The following ATR variants were observed in gnomAD, a reference collection of about 807,000 sequenced individuals.
ATR encodes the protein serine/threonine-protein kinase ATR.
ATR carries 142 observed loss-of-function variants against 305.3 expected under a neutral mutation model. The observed-to-expected ratio is 0.47, with a 90% confidence interval of 0.41 to 0.53. The LOEUF (loss-of-function observed/expected upper bound fraction) is 0.53. Among genes scored for constraint, ATR ranks in the 20% least tolerant of loss-of-function variants. The probability of loss-of-function intolerance (pLI) is 0.00; values close to 1 mark genes in which losing one functional copy is unlikely to be tolerated. For synonymous variants in ATR, 1,050 were observed against 1,068.1 expected, an observed-to-expected ratio of 0.98 and a Z score of 0.33; for missense variants, 2,135 against 3,133.1, an observed-to-expected ratio of 0.68 and a Z score of 7.60.
At chr3:142,560,569 T>C in intron 5 of ATR, 115 bp from the exon 6 acceptor site, 1 of 1,023,352 alleles carries the variant, frequency 9.8e-7, no homozygotes, top group South Asian at 1.6e-5. Context: ...AAAAAATTTT[T>C]TTTTTTTGTG....
intron 36 of ATR, among the ~76,000 whole-genome samples, chr3:142,471,729 C>T (rs2071273567): frequency 6.6e-6 from 1 of 152,132 alleles, no homozygotes; most frequent in African/African-American, 2.4e-5. Flanking sequence ...AATTATTTCA[C>T]ATATTTATTT....
intron 8 of ATR, among the ~76,000 whole-genome samples, chr3:142,557,720 C>T (rs574703057): frequency 6.6e-6 from 1 of 152,280 alleles, no homozygotes; most frequent in South Asian, 2.1e-4. Flanking sequence ...GAAACCTCTG[C>T]CTCCTGGGTT....
Position 142,562,999 on chromosome 3 carries a change from TA to T in ATR, c.402del (p.Phe134LeufsTer31). 1.3e-6 allele frequency: 2 copies of T among 1,598,822 alleles called. No homozygotes were observed. The highest frequency in any genetic ancestry group is 1.7e-6 in the Non-Finnish European group (2 of 1,175,832). On this transcript the variant is annotated frameshift_variant, in exon 4 of 47. Transcript: ENST00000350721. LOFTEE classifies it high-confidence loss of function. ...CEVICSLLFLFKSKSPAIFGV... is the reference protein window; with the variant it reads ...CEVICSLLFLXKSKSPAIFGV... The stretch of plus-strand genomic sequence containing the variant: ...CCAAAAATAGCAGGACTCTTGCTTT[TA>T]AAAAGAAATAATAATGAACAGATGA...
At chr3:142,499,442 G>A (rs1381446806) in intron 31 of ATR, among the ~76,000 whole-genome samples, 185 bp downstream of exon 31, 11 of 151,846 alleles carry the variant, frequency 7.2e-5, no homozygotes, top group East Asian at 3.9e-4. Flanking sequence ...CTACAGGCGC[G>A]TGCCACCACG....
At chr3:142,548,826 T>C (rs1215925205) in intron 15 of ATR, among the ~76,000 whole-genome samples, 1 of 152,158 alleles carries the variant, frequency 6.6e-6, no homozygotes, top group East Asian at 1.9e-4. Flanking sequence ...CAATATACAG[T>C]CGAATAATAC....
At chr3:142,468,092 T>C in intron 38 of ATR, 24 bp from the exon 39 acceptor site, 1 of 1,609,306 alleles carries the variant, frequency 6.2e-7, no homozygotes, top group Non-Finnish European at 8.5e-7. Context: ...GAGTTAAATG[T>C]CATAAAAAAG....
intron 30 of ATR, among the ~76,000 whole-genome samples, chr3:142,501,712 G>A (rs1347900496): frequency 6.6e-6 from 1 of 152,132 alleles, no homozygotes; most frequent in African/African-American, 2.4e-5. Flanking sequence ...AAGCCACAAT[G>A]AGATACCACC....
chr3:142,535,308 A>T, intron 20 of ATR, 103 bp from the exon 21 acceptor site: 1 of 1,336,106 alleles, frequency 7.5e-7, no homozygotes, highest in Non-Finnish European at 1.0e-6. Context: ...ACTATACCAA[A>T]CCAATTTTTT....
chr3:142,459,144 T>C (rs1577496890), intron 43 of ATR, 33 bp from the exon 44 acceptor site: 2 of 1,613,450 alleles, frequency 1.2e-6, no homozygotes, highest in East Asian at 2.2e-5. Context: ...GAAATATCCA[T>C]ATACATATGA....
At chr3:142,468,142 AC>A (rs1387827377) in intron 38 of ATR, 74 bp from the exon 39 acceptor site, 12 of 1,537,578 alleles carry the variant, frequency 7.8e-6, no homozygotes, top group Admixed American at 7.2e-5. Context: ...TTTTTGCTTG[AC>A]AAAAAACTTA....
At chr3:142,564,022 G>A (rs1400208924) in intron 3 of ATR, among the ~76,000 whole-genome samples, 1 of 152,134 alleles carries the variant, frequency 6.6e-6, no homozygotes, top group Non-Finnish European at 1.5e-5. Context: ...GCCTAATCCA[G>A]AGAAAGGCCC....
At chr3:142,575,084 T>C (rs1236228891) in intron 1 of ATR, among the ~76,000 whole-genome samples, 2 of 152,190 alleles carry the variant, frequency 1.3e-5, no homozygotes, top group African/African-American at 4.8e-5. Flanking sequence ...TGGTTTCCCA[T>C]CACACAATAA....
chr3:142,457,917 G>T, intron 44 of ATR, 162 bp from the exon 45 acceptor site: 1 of 766,066 alleles, frequency 1.3e-6, no homozygotes. Context: ...GAGCCATGTA[G>T]CTCTGCCTTT....
In ATR at chr3:142,472,281, A is replaced by G. The variant is rs1169244956; in HGVS notation, c.6222-2098T>C. 3.3e-5 allele frequency: 5 copies of G among 152,172 alleles called. 1 individual carries two copies. The South Asian group carries it at 8.3e-4, about 25-fold the overall frequency. 9.4% of individuals were successfully genotyped at this position (152,172 alleles called of 1,614,324 possible). A position where few individuals can be genotyped will look rare whatever the true frequency, so the allele number is the denominator to read the frequency against. ...TTGATTTAATTTCCTTTAGATATATACCCCATAATGGGATTGCTAGATCAT... is the reference window on the plus strand; with the variant it reads ...TTGATTTAATTTCCTTTAGATATATGCCCCATAATGGGATTGCTAGATCAT... On this transcript the variant is annotated intron_variant, in intron 36 of 46. Transcript: ENST00000350721.
At chr3:142,505,694 C>T (rs1375367807) in intron 28 of ATR, among the ~76,000 whole-genome samples, 2 of 152,038 alleles carry the variant, frequency 1.3e-5, no homozygotes, top group African/African-American at 2.4e-5. Context: ...ATTGAGATGA[C>T]TTCAAGAAAA....
intron 30 of ATR, 21 bp from the exon 31 acceptor site, chr3:142,499,739 CA>C: frequency 6.3e-7 from 1 of 1,599,758 alleles, no homozygotes; most frequent in Non-Finnish European, 8.6e-7. Flanking sequence ...AAACCCATAT[CA>C]ACTAAACTTT....
chr3:142,467,311 G>A (rs76216793), intron 39 of ATR, among the ~76,000 whole-genome samples: 2,797 of 152,110 alleles, frequency 0.018, 29 homozygotes, highest in South Asian at 0.041. Flanking sequence ...GGTTACTCCT[G>A]TAACCATGTT....
intron 36 of ATR, among the ~76,000 whole-genome samples, chr3:142,471,123 C>T (rs1365725481): frequency 1.3e-5 from 2 of 152,172 alleles, no homozygotes; most frequent in Non-Finnish European, 2.9e-5. Context: ...CCCACCCAGT[C>T]TCTGGCAACC....
intron 2 of ATR, 79 bp downstream of exon 2, chr3:142,567,984 G>T: frequency 1.7e-6 from 2 of 1,181,260 alleles, no homozygotes; most frequent in Non-Finnish European, 2.4e-6. Context: ...ACTACATGGA[G>T]AAAATGCTAC....
Sources: allele counts gnomAD v4.1 joint callset (sites outside exome capture counted in the v4.1 genomes callset), GRCh38; gene constraint gnomAD v4.1.1; transcripts MANE v1.5; gene names NCBI Gene and HGNC (gene_info 2026-07-23, HGNC 2026-07-21).